TMEM176B: variants seen among roughly 807,000 people sequenced by gnomAD.
TMEM176B encodes the protein transmembrane protein 176B.
In TMEM176B, 28 loss-of-function variants were observed where a neutral mutation model predicts 30.3. The observed-to-expected ratio is 0.92, with a 90% CI of 0.68 to 1.27. The LOEUF (loss-of-function observed/expected upper bound fraction) is 1.27. Among genes scored for constraint, TMEM176B ranks in the 50% most tolerant of loss-of-function variants. TMEM176B has a pLI of 0.00. For missense variants in TMEM176B, 349 were observed against 327.4 expected, an observed-to-expected ratio of 1.07 and a Z score of -0.51; for synonymous variants, 123 against 130.3, an observed-to-expected ratio of 0.94 and a Z score of 0.38.
intron 1 of TMEM176B, 166 bp from the exon 2 acceptor site, chr7:150,796,740 C>T: frequency 1.5e-6 from 1 of 675,546 alleles, no homozygotes; most frequent in East Asian, 2.8e-5. Flanking sequence ...GGGTGGATTA[C>T]CTGAGGTCAG....
intron 6 of TMEM176B, 56 bp from the exon 7 acceptor site, chr7:150,791,679 TATC>T (rs2116667643): frequency 1.3e-6 from 2 of 1,489,726 alleles, no homozygotes; most frequent in East Asian, 4.6e-5. Flanking sequence ...GCAGAGTTAG[TATC>T]ATAGAACTCA....
At position 150,792,097 on chromosome 7, in the gene TMEM176B, C is replaced by A. The variant is rs1352283550; in HGVS notation, c.679G>T (p.Val227Leu). The A allele has an allele frequency of 1.9e-6, 3 of 1,614,034 alleles. No homozygotes were observed. The highest frequency in any genetic ancestry group is 1.7e-6 in the Non-Finnish European group (2 of 1,179,986). ...TGGCCACACAAGTTTCGAAGACCTA[C>A]TCCCAAGGAAACCAAGGACACAATG... ...KVIVSLVSLG[V>L]GLRNLCGQSS... is the part of the protein sequence containing the mutation. The change falls in exon 6 of 7, where the codon GTA becomes TTA. Residue 227 changes from valine (V) to leucine (L), a missense_variant. Val to Leu is a conservative substitution (Grantham distance 32, BLOSUM62 1). Transcript: ENST00000326442.
Position 150,791,400 on chromosome 7 carries a change from G to T in TMEM176B, c.*131C>A. ...ACCCCAGAGTGGGAACAGCAGGTGCGGATGTGGGGAGAAGAAAGGAGGAGG... is the reference window on the plus strand; with the variant it reads ...ACCCCAGAGTGGGAACAGCAGGTGCTGATGTGGGGAGAAGAAAGGAGGAGG... On this transcript the variant is annotated 3_prime_UTR_variant, in exon 7 of 7. Transcript: ENST00000326442. 1.5e-6 allele frequency: 1 copy of T among 650,278 alleles called. No individual in the cohort carries two copies. The highest frequency in any genetic ancestry group is 2.7e-5 in the East Asian group (1 of 37,580). 40.3% of individuals were successfully genotyped at this position (650,278 alleles called of 1,614,324 possible). A position where few individuals can be genotyped will look rare whatever the true frequency, so the allele number is the denominator to read the frequency against.
At chr7:150,797,328 A>T (rs1798568919) in intron 1 of TMEM176B, among the ~76,000 whole-genome samples, 1 of 152,232 alleles carries the variant, frequency 6.6e-6, no homozygotes. Flanking sequence ...ATCCTACATG[A>T]GTCCATAAAA....
Position 150,792,127 on chromosome 7 carries a change from T to C in TMEM176B, c.649A>G (p.Lys217Glu), listed in dbSNP as rs1798338034. The C allele has an allele frequency of 2.5e-6, 4 of 1,613,794 alleles. No individual in the cohort carries two copies. ...AAGGAAACCAAGGACACAATGACCTTCAAGACACAGACAGCCAGGAACAGG... is the reference window on the plus strand; with the variant it reads ...AAGGAAACCAAGGACACAATGACCTCCAAGACACAGACAGCCAGGAACAGG... ...RALFLAVCVLKVIVSLVSLGV... is the reference protein window; with the variant it reads ...RALFLAVCVLEVIVSLVSLGV... The change falls in exon 6 of 7, where the codon AAG becomes GAG. Residue 217 changes from lysine to glutamate, a missense_variant. Coordinates refer to ENST00000326442, the MANE Select transcript of TMEM176B (RefSeq NM_001101312.2).
chr7:150,793,473 A>G, intron 4 of TMEM176B, 71 bp downstream of exon 4: 2 of 1,580,226 alleles, frequency 1.3e-6, no homozygotes. Flanking sequence ...CAAAGGGCAG[A>G]AGACAGATAA....
intron 2 of TMEM176B, among the ~76,000 whole-genome samples, chr7:150,796,074 C>T (rs1798510433): frequency 6.6e-6 from 1 of 152,220 alleles, no homozygotes; most frequent in Non-Finnish European, 1.5e-5. Context: ...CTTGCTACAA[C>T]TCTAGGATTA....
Position 150,793,117 on chromosome 7 carries a change from C to A in TMEM176B, c.571G>T (p.Glu191Ter), listed in dbSNP as rs779580051. ...AGCATCTGCATGTAAGCTCTACACTCCTCCTTCTGCCATTGGTTCTCTTGA... is the reference window on the plus strand; with the variant it reads ...AGCATCTGCATGTAAGCTCTACACTACTCCTTCTGCCATTGGTTCTCTTGA... ...RSQENQWQKEECRAYMQMLRK... is the reference protein window; with the variant it reads ...RSQENQWQKE The change falls in exon 5 of 7, where the codon GAG becomes TAG. Residue 191 changes from glutamate (E) to a stop codon, truncating the protein, a stop_gained. Coordinates refer to ENST00000326442, the MANE Select transcript of TMEM176B (RefSeq NM_001101312.2). LOFTEE classifies it high-confidence loss of function. 2 of 1,614,192 alleles carry A rather than the reference C, an allele frequency of 1.2e-6. No homozygotes were observed. The highest frequency in any genetic ancestry group is 2.2e-5 in the South Asian group (2 of 91,068).
At chr7:150,798,955 G>A (rs962781976) in intron 1 of TMEM176B, among the ~76,000 whole-genome samples, 1 of 152,078 alleles carries the variant, frequency 6.6e-6, no homozygotes, top group African/African-American at 2.4e-5. Context: ...TACAATCCAT[G>A]TTCTATTTCA....
intron 5 of TMEM176B, 119 bp downstream of exon 5, chr7:150,792,969 G>T (rs2116676285): frequency 1.1e-5 from 10 of 899,792 alleles, no homozygotes; most frequent in South Asian, 7.8e-5. Context: ...CCTCCTGAAT[G>T]AAAGACCCAG....
chr7:150,798,252 GTTTTC>G (rs796131662), intron 1 of TMEM176B, among the ~76,000 whole-genome samples: 180 of 152,042 alleles, frequency 1.2e-3, no homozygotes, highest in African/African-American at 4.2e-3. Flanking sequence ...TTAATCCATG[GTTTTC>G]TTTTATTTCA....
rs755753295 is a variant in TMEM176B, at chr7:150,793,104, T to C, written c.584A>G (p.Tyr195Cys). The C allele has an allele frequency of 6.8e-6, 11 of 1,613,702 alleles. No individual in the cohort carries two copies. The African/African-American group carries it at 1.3e-4, about 20-fold the overall frequency. Residue 195 changes from tyrosine (Y) to cysteine (C), a missense_variant, in exon 5 of 7, where the codon TAC becomes TGC. Tyr to Cys is a radical substitution (Grantham distance 194). Transcript: ENST00000326442. ...NQWQKEECRA[Y>C]MQMLRKLFTA... ...CCTGCTCACCCTCAGCATCTGCATG[T>C]AAGCTCTACACTCCTCCTTCTGCCA... is the stretch of plus-strand genomic sequence containing the variant.
Position 150,792,158 on chromosome 7 carries a change from G to A in TMEM176B, c.618C>T (p.Ile206=), listed in dbSNP as rs1287099099. Residue 206 remains isoleucine (I), a synonymous_variant, in exon 6 of 7, where the codon ATC becomes ATT. Coordinates refer to ENST00000326442, the MANE Select transcript of TMEM176B (RefSeq NM_001101312.2). ...MQMLRKLFTA[I]RALFLAVCVL... Reference sequence around the variant, plus strand: ...CACAGACAGCCAGGAACAGGGCACGGATTGCTGTGAACAACTTCTGGAGAT... The same window carrying A: ...CACAGACAGCCAGGAACAGGGCACGAATTGCTGTGAACAACTTCTGGAGAT... The A allele has an allele frequency of 1.9e-6, 3 of 1,613,776 alleles. No homozygotes were observed. In the South Asian group the frequency reaches 3.3e-5, roughly 18 times the overall value.
chr7:150,792,324 C>T (rs992114465), intron 5 of TMEM176B, 149 bp from the exon 6 acceptor site: 1 of 1,074,858 alleles, frequency 9.3e-7, no homozygotes, highest in Non-Finnish European at 1.3e-6. Flanking sequence ...AGCTTCCATC[C>T]CGTTGGCTTG....
At chr7:150,798,937 T>C (rs1231503747) in intron 1 of TMEM176B, among the ~76,000 whole-genome samples, 1 of 152,226 alleles carries the variant, frequency 6.6e-6, no homozygotes, top group African/African-American at 2.4e-5. Flanking sequence ...ACCTTGCTTG[T>C]ATATTCATAC....
chr7:150,794,907 CCACA>C (rs3220239), intron 2 of TMEM176B, among the ~76,000 whole-genome samples: 6,678 of 141,596 alleles, frequency 0.047, 343 homozygotes, highest in African/African-American at 0.12. Flanking sequence ...TCCCCTACTA[CCACA>C]CACACACACA....
At chr7:150,794,797 C>T (rs1333938059) in intron 2 of TMEM176B, among the ~76,000 whole-genome samples, 1 of 152,048 alleles carries the variant, frequency 6.6e-6, no homozygotes, top group East Asian at 1.9e-4. Flanking sequence ...GCCGTTCACA[C>T]ACCCAACTCC....
chr7:150,793,139 T>C lies in TMEM176B; in HGVS notation c.549A>G (p.Gln183=). 1 of 1,614,190 alleles carries C rather than the reference T, an allele frequency of 6.2e-7. No individual in the cohort carries two copies. Among genetic ancestry groups the C allele is most frequent in the Non-Finnish European group, 8.5e-7 (1 of 1,180,044 alleles). The part of the protein sequence containing the change: ...TTGYRWMRRS[Q]ENQWQKEECR... The stretch of plus-strand genomic sequence containing the variant: ...ACTCCTCCTTCTGCCATTGGTTCTC[T>C]TGACTTCGCCGCATCCATCTGTACC... Residue 183 remains glutamine, a synonymous_variant, in exon 5 of 7, where the codon CAA becomes CAG. Transcript: ENST00000326442.
Position 150,791,517 on chromosome 7 carries a change from G to A in TMEM176B, c.*14C>T. On this transcript the variant is annotated 3_prime_UTR_variant, in exon 7 of 7. Coordinates refer to ENST00000326442, the MANE Select transcript of TMEM176B (RefSeq NM_001101312.2). ...GACAGGGACATGCGGGCACCCCGTG[G>A]GGTCTTTGGCAGCTCACAGGACAAT... 1 of 1,611,722 alleles carries A rather than the reference G, an allele frequency of 6.2e-7. No homozygotes were observed. Among genetic ancestry groups the A allele is most frequent in the Non-Finnish European group, 8.5e-7 (1 of 1,178,728 alleles).
Sources: allele counts gnomAD v4.1 joint callset (sites outside exome capture counted in the v4.1 genomes callset), GRCh38; gene constraint gnomAD v4.1.1; transcripts MANE v1.5; gene names NCBI Gene and HGNC (gene_info 2026-07-23, HGNC 2026-07-21).